The following TLN2 variants were observed in gnomAD, a reference collection of about 807,000 sequenced individuals.
The protein encoded by TLN2 is talin 2, also known as talin-2.
A neutral mutation model predicts 294.7 loss-of-function variants in TLN2; 118 were observed. The ratio of observed to expected loss-of-function variants is 0.40; its 90% confidence interval spans 0.34 to 0.47. The LOEUF (loss-of-function observed/expected upper bound fraction) is 0.47, where lower values mean the gene tolerates loss of function less well. Ranked by LOEUF, TLN2 falls within the 20% of genes least tolerant of loss-of-function variation. The pLI is 0.84. For missense variants in TLN2, 3,083 were observed against 3,282.2 expected (o/e 0.94, Z 1.48); for synonymous variants, 1,431 against 1,304.5 (o/e 1.10, Z -2.09).
At chr15:62,809,129 A>C (rs1388276860) in intron 51 of TLN2, among the ~76,000 whole-genome samples, 1 of 152,210 alleles carries the variant, frequency 6.6e-6, no homozygotes, top group Non-Finnish European at 1.5e-5. Context: ...TAGTTGTAAA[A>C]AATAAAAAAT....
chr15:62,558,154 T>G (rs2042709339), intron 1 of TLN2, among the ~76,000 whole-genome samples: 1 of 152,262 alleles, frequency 6.6e-6, no homozygotes, highest in Non-Finnish European at 1.5e-5. Context: ...TTTGTATGGG[T>G]GATACTGATC....
At chr15:62,655,858 C>T in intron 7 of TLN2, 86 bp from the exon 8 acceptor site, 3 of 1,446,616 alleles carry the variant, frequency 2.1e-6, no homozygotes, top group Non-Finnish European at 2.8e-6. Flanking sequence ...ATACAGAAAT[C>T]TGCATCACAC....
intron 22 of TLN2, among the ~76,000 whole-genome samples, chr15:62,714,302 A>G (rs1474654421): frequency 1.4e-5 from 2 of 146,538 alleles, no homozygotes; most frequent in Non-Finnish European, 3.0e-5. Context: ...TCCTGGGTTC[A>G]CGCCATTCTC....
chr15:62,766,159 T>C (rs1202006254), intron 40 of TLN2, among the ~76,000 whole-genome samples, 162 bp from the exon 41 acceptor site: 3 of 152,222 alleles, frequency 2.0e-5, no homozygotes, highest in African/African-American at 4.8e-5. Flanking sequence ...GAGTCATCAC[T>C]GAGAAGGTCA....
intron 1 of TLN2, among the ~76,000 whole-genome samples, chr15:62,422,451 C>T (rs1011430528): frequency 3.3e-5 from 5 of 152,224 alleles, no homozygotes; most frequent in African/African-American, 1.2e-4. Context: ...AGAATTAAAG[C>T]AGTTAGTTGC....
chr15:62,806,251 C>G (rs995204396), intron 51 of TLN2, among the ~76,000 whole-genome samples: 5 of 152,188 alleles, frequency 3.3e-5, no homozygotes, highest in African/African-American at 1.2e-4. Flanking sequence ...GGAAATGACT[C>G]TCTAAGGCAG....
intron 54 of TLN2, among the ~76,000 whole-genome samples, chr15:62,824,333 G>T (rs527869803): frequency 1.3e-5 from 2 of 152,284 alleles, no homozygotes; most frequent in South Asian, 4.1e-4. Context: ...ACCCATGTCT[G>T]TGACACAGAA....
chr15:62,492,227 G>A (rs1293280484), intron 1 of TLN2, among the ~76,000 whole-genome samples: 1 of 152,068 alleles, frequency 6.6e-6, no homozygotes, highest in Non-Finnish European at 1.5e-5. Context: ...TGAGGCGGGT[G>A]GATCATGAGG....
chr15:62,627,018 G>T (rs1228692352), intron 3 of TLN2, among the ~76,000 whole-genome samples: 1 of 152,196 alleles, frequency 6.6e-6, no homozygotes, highest in African/African-American at 2.4e-5. Flanking sequence ...TAGGATTGTG[G>T]ATATATTGCT....
At chr15:62,540,747 G>A (rs190785845) in intron 1 of TLN2, among the ~76,000 whole-genome samples, 3 of 152,126 alleles carry the variant, frequency 2.0e-5, no homozygotes, top group Admixed American at 6.5e-5. Flanking sequence ...ATTTGATCTC[G>A]AAGGGCCTTA....
chr15:62,406,374 C>A (rs1276617541), intron 1 of TLN2, among the ~76,000 whole-genome samples: 4 of 152,144 alleles, frequency 2.6e-5, no homozygotes, highest in African/African-American at 9.7e-5. Flanking sequence ...TGGCTTTGCC[C>A]AGGAAAGAAT....
chr15:62,576,944 C>T (rs923449420), intron 1 of TLN2, among the ~76,000 whole-genome samples: 4 of 152,046 alleles, frequency 2.6e-5, no homozygotes, highest in Non-Finnish European at 4.4e-5. Flanking sequence ...GGAGTGAGGT[C>T]TGGGAGGGCA....
rs186748901 is a variant in TLN2 at position 62,841,705 on chromosome 15, G to T, written c.*1095G>T. 6.6e-6 allele frequency: 1 copy of T among 152,154 alleles called. No individual in the cohort carries two copies. The highest frequency in any genetic ancestry group is 1.9e-4 in the East Asian group (1 of 5,178). The allele number at this position is 152,154 out of a possible 1,614,324, so 9.4% of individuals were successfully genotyped here. On this transcript the variant is annotated 3_prime_UTR_variant, in exon 59 of 59. Transcript: ENST00000636159. ...AGACATAAGATGTTTTCATTTTCTG[G>T]ATGTCACACTTCCAGAATTTCATAT...
chr15:62,487,862 C>G (rs946438552), intron 1 of TLN2, among the ~76,000 whole-genome samples: 1 of 151,934 alleles, frequency 6.6e-6, no homozygotes, highest in African/African-American at 2.4e-5. Flanking sequence ...GAGATCGCAC[C>G]ACTGCACTCC....
At chr15:62,479,928 C>T (rs532687485) in intron 1 of TLN2, among the ~76,000 whole-genome samples, 1 of 152,342 alleles carries the variant, frequency 6.6e-6, no homozygotes, top group Admixed American at 6.5e-5. Flanking sequence ...ATTTGCTTGC[C>T]TAAAGCCAGC....
At chr15:62,644,512 C>T (rs753697013) in intron 3 of TLN2, 5 of 455,934 alleles carry the variant, frequency 1.1e-5, no homozygotes, top group Non-Finnish European at 1.8e-5. Flanking sequence ...CTCAAGGAAA[C>T]TCACCTCCAA....
At chr15:62,654,033 A>T (rs922676685) in intron 7 of TLN2, among the ~76,000 whole-genome samples, 3 of 152,352 alleles carry the variant, frequency 2.0e-5, no homozygotes, top group East Asian at 3.9e-4. Context: ...TAATTAACAT[A>T]TCCATCACCT....
Position 62,763,671 on chromosome 15 carries a change from C to T in TLN2, c.5070C>T (p.Ala1690=), listed in dbSNP as rs769181333. ...ASLAAVSQSL[A]TRDDISVEAL... ...TGGCCGCCGTCAGCCAGAGCCTGGCCACGAGGGACGACATCTCTGTGGAGG... is the reference window on the plus strand; with the variant it reads ...TGGCCGCCGTCAGCCAGAGCCTGGCTACGAGGGACGACATCTCTGTGGAGG... Residue 1690 remains alanine (A), a synonymous_variant, in exon 40 of 59, where the codon GCC becomes GCT. Transcript: ENST00000636159. The T allele has an allele frequency of 1.2e-6, 2 of 1,611,500 alleles. No homozygotes were observed. Among genetic ancestry groups the T allele is most frequent in the Non-Finnish European group, 1.7e-6 (2 of 1,179,050 alleles).
At chr15:62,477,782 G>A (rs778210201) in intron 1 of TLN2, among the ~76,000 whole-genome samples, 6 of 151,968 alleles carry the variant, frequency 3.9e-5, no homozygotes, top group Admixed American at 1.3e-4. Flanking sequence ...AAACCTTCGA[G>A]CAGGTAGACT....
Sources: gnomAD v4.1 joint callset for allele counts (sites outside exome capture counted in the v4.1 genomes callset) on GRCh38, gnomAD v4.1.1 for gene constraint, MANE v1.5 for transcripts, NCBI Gene and HGNC (gene_info 2026-07-23, HGNC 2026-07-21) for gene names.